The following NPM1 variants were observed in gnomAD, a reference collection of about 807,000 sequenced individuals.
NPM1 encodes nucleophosmin 1.
A neutral mutation model predicts 44.1 loss-of-function variants in NPM1; 1 was observed. The ratio of observed to expected loss-of-function variants is 0.02; its 90% CI spans 0.01 to 0.11. The LOEUF (loss-of-function observed/expected upper bound fraction) is 0.11, where lower values mean the gene tolerates loss of function less well. Among genes scored for constraint, NPM1 ranks in the 10% least tolerant of loss-of-function variants. The pLI is 1.00. For missense variants in NPM1, 197 were observed against 347.8 expected (o/e 0.57, Z 3.45); for synonymous variants, 126 against 111.8 (o/e 1.13, Z -0.80).
At chr5:171,403,922 C>G (rs1163746481) in intron 8 of NPM1, among the ~76,000 whole-genome samples, 1 of 72,442 alleles carries the variant, frequency 1.4e-5, no homozygotes, top group Non-Finnish European at 2.9e-5. Context: ...CTTACCCCCC[C>G]ACCTCCCTCC....
chr5:171,389,628 TAGTA>T (rs1770468542), intron 1 of NPM1, among the ~76,000 whole-genome samples: 1 of 152,240 alleles, frequency 6.6e-6, no homozygotes, highest in South Asian at 2.1e-4. Context: ...TCTTTTGTAA[TAGTA>T]AGCTATTCAT....
chr5:171,397,634 ATTCTTTTTTC>A (rs1561868996), intron 6 of NPM1, among the ~76,000 whole-genome samples: 1 of 152,022 alleles, frequency 6.6e-6, no homozygotes, highest in Admixed American at 6.6e-5. Flanking sequence ...AGTTGTAAGA[ATTCTTTTTTC>A]TTTTTTCTTT....
intron 6 of NPM1, among the ~76,000 whole-genome samples, chr5:171,394,041 CTTTTTT>C (rs144186175): frequency 5.2e-5 from 5 of 97,082 alleles, no homozygotes; most frequent in Admixed American, 2.2e-4. Context: ...TTTTTGTTTT[CTTTTTT>C]TTTTTTTTTT....
chr5:171,407,298 G>A (rs1227683496), intron 9 of NPM1, among the ~76,000 whole-genome samples: 1 of 152,144 alleles, frequency 6.6e-6, no homozygotes, highest in African/African-American at 2.4e-5. Flanking sequence ...TTGTTTGTTT[G>A]TTTTTAAAGA....
At chr5:171,400,796 G>T in intron 7 of NPM1, 43 bp from the exon 8 acceptor site, 2 of 1,308,528 alleles carry the variant, frequency 1.5e-6, no homozygotes, top group Non-Finnish European at 2.2e-6. Context: ...TTGCACTGTT[G>T]TTGGGGTCAG....
At chr5:171,392,271 ATTATAACGG>A (rs2113175959) in intron 4 of NPM1, among the ~76,000 whole-genome samples, 1 of 152,318 alleles carries the variant, frequency 6.6e-6, no homozygotes, top group East Asian at 1.9e-4. Flanking sequence ...AGACAGTCTC[ATTATAACGG>A]CTGGAGTGCA....
intron 6 of NPM1, among the ~76,000 whole-genome samples, chr5:171,398,777 C>CA (rs1191808038): frequency 2.0e-5 from 3 of 152,024 alleles, no homozygotes; most frequent in East Asian, 3.8e-4. Flanking sequence ...CCTCAAAAAA[C>CA]AAAAAAATCA....
At chr5:171,403,644 C>A in intron 8 of NPM1, among the ~76,000 whole-genome samples, 2 of 135,106 alleles carry the variant, frequency 1.5e-5, no homozygotes, top group South Asian at 2.5e-4. Context: ...GGGCTGACCC[C>A]CCCCACCTCC....
At chr5:171,387,828 T>A, upstream of NPM1, 3 of 929,064 alleles carry the variant, frequency 3.2e-6, no homozygotes, top group Non-Finnish European at 3.4e-6. Context: ...GGTCTATATA[T>A]AAGCGCGGGG....
rs1770593379 is a variant in NPM1, at chr5:171,391,906, T to C, written c.352+107T>C. 6 of 574,806 alleles carry C rather than the reference T, an allele frequency of 1.0e-5. No individual in the cohort carries two copies. The South Asian group carries it at 1.3e-4, about 12-fold the overall frequency. 35.6% of individuals were successfully genotyped at this position (574,806 alleles called of 1,614,324 possible). A position where few individuals can be genotyped will look rare whatever the true frequency, so the allele number is the denominator to read the frequency against. On this transcript the variant is annotated intron_variant, in intron 4 of 10. Transcript: ENST00000296930. ...GGGTATAGTACTACTGTCTTTTTAA[T>C]AGGTTCCAATGTGAGTCTAGAAATT...
At chr5:171,404,049 T>C in intron 8 of NPM1, among the ~76,000 whole-genome samples, 1 of 53,854 alleles carries the variant, frequency 1.9e-5, no homozygotes, top group African/African-American at 8.9e-5. Context: ...GAGGCAACCC[T>C]CACCTCCCGG....
intron 4 of NPM1, 122 bp from the exon 5 acceptor site, chr5:171,392,586 CTT>C (rs34475806): frequency 0.028 from 12,229 of 444,062 alleles, 355 homozygotes; most frequent in African/African-American, 0.13. Context: ...CCCATGTGCT[CTT>C]TTTTTTTTTT....
intron 9 of NPM1, 139 bp from the exon 10 acceptor site, chr5:171,407,561 C>G: frequency 6.1e-6 from 4 of 655,766 alleles, no homozygotes; most frequent in Admixed American, 6.1e-5. Flanking sequence ...GAAAAAGATA[C>G]GGAGTATTCT....
In NPM1 at chr5:171,392,634, A is replaced by G. The variant is rs1043960325; in HGVS notation, c.353-76A>G. ...GAATAGAAGTCTCAGTTTTTAGAGT[A>G]TTTACTATCAGTGTTCTTTTTTTTT... is the stretch of plus-strand genomic sequence containing the variant. On this transcript the variant is annotated intron_variant, in intron 4 of 10. Transcript: ENST00000296930. 4 of 807,234 alleles carry G rather than the reference A, an allele frequency of 5.0e-6. No homozygotes were observed. The Admixed American group carries it at 8.9e-5, about 18-fold the overall frequency. The allele number at this position is 807,234 out of a possible 1,614,324, so 50.0% of individuals were successfully genotyped here.
intron 4 of NPM1, among the ~76,000 whole-genome samples, chr5:171,392,118 A>T (rs12655243): frequency 0.4 from 61,422 of 151,834 alleles, 12,450 homozygotes; most frequent in East Asian, 0.55. Context: ...TTTCATAGTT[A>T]TAGTAGAGAA....
At chr5:171,397,829 T>C (rs1367365687) in intron 6 of NPM1, among the ~76,000 whole-genome samples, 1 of 148,474 alleles carries the variant, frequency 6.7e-6, no homozygotes, top group East Asian at 2.0e-4. Context: ...GACAAGTCTC[T>C]GTTGCCCAGG....
chr5:171,400,883 G>A lies in NPM1; in HGVS notation c.627G>A (p.Gln209=). 1 of 1,611,698 alleles carries A rather than the reference G, an allele frequency of 6.2e-7. No individual in the cohort carries two copies. Among genetic ancestry groups the A allele is most frequent in the East Asian group, 2.2e-5 (1 of 44,846 alleles). ...CCAAAAATGCACAAAAGTCAAATCAGAATGGAAAAGACTCAAAACCATCAT... is the reference window on the plus strand; with the variant it reads ...CCAAAAATGCACAAAAGTCAAATCAAAATGGAAAAGACTCAAAACCATCAT... The part of the protein sequence containing the change: ...TPAKNAQKSN[Q]NGKDSKPSST... The change falls in exon 8 of 11, where the codon CAG becomes CAA. Residue 209 remains glutamine (Q), a synonymous_variant. Transcript: ENST00000296930.
rs191051017 is a variant in NPM1 at position 171,391,931 on chromosome 5, T to C, written c.352+132T>C. ...TAGGTTCCAATGTGAGTCTAGAAATTGGAGAGGACAAATAAATTTTTGGGG... is the reference window on the plus strand; with the variant it reads ...TAGGTTCCAATGTGAGTCTAGAAATCGGAGAGGACAAATAAATTTTTGGGG... On this transcript the variant is annotated intron_variant, in intron 4 of 10. Transcript: ENST00000296930. 23 of 454,586 alleles carry C rather than the reference T, an allele frequency of 5.1e-5. No homozygotes were observed. In the Admixed American group the frequency reaches 8.4e-4, roughly 17 times the overall value. The allele number at this position is 454,586 out of a possible 1,614,324, so 28.2% of individuals were successfully genotyped here.
Position 171,410,622 on chromosome 5 carries a change from A to T in NPM1, c.*57A>T, listed in dbSNP as rs1771781641. The T allele has an allele frequency of 7.3e-6, 7 of 960,872 alleles. No individual in the cohort carries two copies. The highest frequency in any genetic ancestry group is 4.9e-5 in the East Asian group (2 of 40,420). The allele number at this position is 960,872 out of a possible 1,614,324, so 59.5% of individuals were successfully genotyped here. On this transcript the variant is annotated 3_prime_UTR_variant, in exon 11 of 11. Coordinates refer to ENST00000296930, the MANE Select transcript of NPM1 (RefSeq NM_002520.7). ...TTCCGTCTTATTTCATTTCTGTAAC[A>T]GTTGATATCTGGCTGTCCTTTTTAT...
Sources: gnomAD v4.1 joint callset for allele counts (sites outside exome capture counted in the v4.1 genomes callset) on GRCh38, gnomAD v4.1.1 for gene constraint, MANE v1.5 for transcripts, NCBI Gene and HGNC (gene_info 2026-07-23, HGNC 2026-07-21) for gene names.